Variants in WBP4 observed in about 807,000 individuals in gnomAD.
WBP4 encodes the protein WW domain-binding protein 4.
Under a neutral mutation model 55.4 loss-of-function variants are expected in WBP4, and 37 were observed. That is an observed-to-expected ratio of 0.67 (90% CI 0.51 to 0.88). The LOEUF is 0.88. Ranked by LOEUF, WBP4 falls within the 40% of genes least tolerant of loss-of-function variation. The pLI is 0.00. For missense variants in WBP4, 398 were observed against 420.8 expected, an observed-to-expected ratio of 0.95 and a Z score of 0.47; for synonymous variants, 142 against 140.2, an observed-to-expected ratio of 1.01 and a Z score of -0.09.
chr13:41,075,321 A>G lies in WBP4; in HGVS notation c.563-723A>G, dbSNP rs180736391. 4.5e-4 allele frequency among the ~76,000 whole-genome samples: 69 copies of G among 152,326 alleles called. No homozygotes were observed. The East Asian group carries it at 0.013, about 28-fold the overall frequency. The stretch of plus-strand genomic sequence containing the variant: ...CCACCAAACCACCATAATAAAAATG[A>G]GAATTTAATATTCACTTAGTGCTTC... On this transcript the variant is annotated intron_variant, in intron 7 of 9. Transcript: ENST00000379487.
At position 41,072,788 on chromosome 13, in the gene WBP4, G is replaced by A. The variant is rs752691810; in HGVS notation, c.493G>A (p.Val165Met). 8.1e-6 allele frequency: 13 copies of A among 1,613,394 alleles called. No individual in the cohort carries two copies. The African/African-American group carries it at 9.3e-5, about 12-fold the overall frequency. Residue 165 changes from valine (V) to methionine (M), a missense_variant, in exon 7 of 10, where the codon GTG becomes ATG. Val to Met is a conservative substitution (Grantham distance 21). Coordinates refer to ENST00000379487, the MANE Select transcript of WBP4 (RefSeq NM_007187.5). ...GTTTTTTTCCTCCTATTAGACAGCAGTGAAGACCGTTTGGGTAGAAGGTTT... is the reference window on the plus strand; with the variant it reads ...GTTTTTTTCCTCCTATTAGACAGCAATGAAGACCGTTTGGGTAGAAGGTTT... Reference protein sequence around the residue: ...GFQGDLKKTAVKTVWVEGLSE... With the variant: ...GFQGDLKKTAMKTVWVEGLSE...
intron 4 of WBP4, 114 bp downstream of exon 4, chr13:41,065,401 C>T: frequency 7.3e-7 from 1 of 1,375,902 alleles, no homozygotes; most frequent in Non-Finnish European, 9.5e-7. Flanking sequence ...AGTGTACTCT[C>T]AGTGCTTTTA....
Position 41,083,896 on chromosome 13 carries a change from T to A in WBP4, c.*982T>A, listed in dbSNP as rs1878895148. 6.6e-6 allele frequency: 1 copy of A among 152,206 alleles called. No homozygotes were observed. The highest frequency in any genetic ancestry group is 2.4e-5 in the African/African-American group (1 of 41,464). The allele number at this position is 152,206 out of a possible 1,614,324, so 9.4% of individuals were successfully genotyped here. On this transcript the variant is annotated 3_prime_UTR_variant, in exon 10 of 10. Coordinates refer to ENST00000379487, the MANE Select transcript of WBP4 (RefSeq NM_007187.5). ...CTTTTACTTTTCAAATTCACAAAAT[T>A]ACATTTCTCATAAATTGTATAGTAT... is the stretch of plus-strand genomic sequence containing the variant.
At chr13:41,076,493 G>A (rs1020323435) in intron 8 of WBP4, among the ~76,000 whole-genome samples, 4 of 151,924 alleles carry the variant, frequency 2.6e-5, no homozygotes, top group African/African-American at 9.7e-5. Context: ...TTAATAACCA[G>A]GATGGTCTTG....
intron 9 of WBP4, among the ~76,000 whole-genome samples, chr13:41,081,576 A>C (rs1230351502): frequency 6.6e-6 from 1 of 152,098 alleles, no homozygotes; most frequent in African/African-American, 2.4e-5. Context: ...TACTCAGCAA[A>C]GTACATTTCT....
chr13:41,074,359 G>A (rs1878385420), intron 7 of WBP4, among the ~76,000 whole-genome samples: 1 of 151,990 alleles, frequency 6.6e-6, no homozygotes, highest in South Asian at 2.1e-4. Flanking sequence ...GTTATCATTA[G>A]CTCATTGCAT....
At chr13:41,067,578 T>G (rs1000572914) in intron 4 of WBP4, among the ~76,000 whole-genome samples, 9 of 152,070 alleles carry the variant, frequency 5.9e-5, no homozygotes, top group African/African-American at 2.2e-4. Flanking sequence ...CCCAGCTACT[T>G]GGGATGCTAA....
intron 4 of WBP4, among the ~76,000 whole-genome samples, chr13:41,067,521 A>G (rs986896539): frequency 1.1e-4 from 17 of 152,060 alleles, no homozygotes; most frequent in African/African-American, 3.1e-4. Flanking sequence ...CTCTACTACA[A>G]TATAAAAATA....
chr13:41,065,185 A>G lies in WBP4; in HGVS notation c.160A>G (p.Lys54Glu). 6.2e-7 allele frequency: 1 copy of G among 1,613,084 alleles called. No homozygotes were observed. ...ISEIKQKSLDKAKEEEKASKE... is the reference protein window; with the variant it reads ...ISEIKQKSLDEAKEEEKASKE... The stretch of plus-strand genomic sequence containing the variant: ...ATAGATTAAACAGAAAAGCCTGGAT[A>G]AGGCAAAGGAAGAAGAAAAGGCATC... The change falls in exon 4 of 10, where the codon AAG becomes GAG. Residue 54 changes from lysine to glutamate, a missense_variant. By Grantham distance (56) the Lys-to-Glu change is moderately conservative (BLOSUM62 1). Transcript: ENST00000379487.
At chr13:41,080,850 A>AT in intron 9 of WBP4, 41 bp downstream of exon 9, 14 of 1,564,032 alleles carry the variant, frequency 9.0e-6, no homozygotes, top group Non-Finnish European at 1.2e-5. Flanking sequence ...ATTACAAGTG[A>AT]TTTTACATCC....
intron 5 of WBP4, among the ~76,000 whole-genome samples, chr13:41,070,226 A>G (rs1878178775): frequency 6.6e-6 from 1 of 152,214 alleles, no homozygotes; most frequent in African/African-American, 2.4e-5. Flanking sequence ...CTCTAAATTA[A>G]GATAGGGACA....
Position 41,076,050 on chromosome 13 carries a change from G to A in WBP4, c.569G>A (p.Arg190Lys), listed in dbSNP as rs1399039397. 1 of 1,611,840 alleles carries A rather than the reference G, an allele frequency of 6.2e-7. No homozygotes were observed. Among genetic ancestry groups the A allele is most frequent in the South Asian group, 1.1e-5 (1 of 90,448 alleles). The change falls in exon 8 of 10, where the codon AGA (arginine) becomes AAA (lysine). Residue 190 changes from arginine to lysine, a missense_variant. By Grantham distance (26) the Arg-to-Lys change is conservative. Transcript: ENST00000379487. The stretch of plus-strand genomic sequence containing the variant: ...TTTAAAATGTGTTGAGCAGAATCCA[G>A]ATGGGAGAAACCTGATGATTTCATT... Reference protein sequence around the residue: ...YYYNTETGESRWEKPDDFIPH... With the variant: ...YYYNTETGESKWEKPDDFIPH...
At chr13:41,073,007 C>CT in intron 7 of WBP4, 150 bp downstream of exon 7, 2 of 612,468 alleles carry the variant, frequency 3.3e-6, no homozygotes, top group Non-Finnish European at 2.7e-6. Flanking sequence ...AATTTAAAAA[C>CT]AATACAGTGG....
At chr13:41,063,089 G>T (rs1308006248) in intron 2 of WBP4, among the ~76,000 whole-genome samples, 3 of 152,092 alleles carry the variant, frequency 2.0e-5, no homozygotes, top group African/African-American at 7.2e-5. Context: ...TGTATATTTT[G>T]TGGTCTAGAA....
chr13:41,062,654 TG>T lies in WBP4; in HGVS notation c.15del (p.Trp5Ter). On this transcript the variant is annotated frameshift_variant, in exon 2 of 10. Transcript: ENST00000379487. LOFTEE classifies it high-confidence loss of function. MADY[W>X]KSQPKKFCDY... ...GTCTCTCTTTTTCAGGGCGGACTAC[TG>T]GAAGTCACAGCCAAAGAAATTCTGT... The T allele has an allele frequency of 6.2e-7, 1 of 1,613,888 alleles. No homozygotes were observed.
chr13:41,072,573 GA>G (rs1276262731), intron 6 of WBP4, among the ~76,000 whole-genome samples: 3 of 152,346 alleles, frequency 2.0e-5, no homozygotes, highest in African/African-American at 7.2e-5. Flanking sequence ...GAAACCATGA[GA>G]AACCACCCCT....
At chr13:41,069,809 T>G (rs536345968) in intron 5 of WBP4, among the ~76,000 whole-genome samples, 2 of 143,842 alleles carry the variant, frequency 1.4e-5, no homozygotes, top group South Asian at 4.3e-4. Context: ...ACCCAGGAGA[T>G]GGAGTTTGCA....
chr13:41,074,967 AAAAAT>A lies in WBP4; in HGVS notation c.563-1068_563-1064del, dbSNP rs1332274235. On this transcript the variant is annotated intron_variant, in intron 7 of 9. Transcript: ENST00000379487. ...CTGAGATCACGCCAAATAAATAAAT[AAAAAT>A]AAAATAAATAAATTCTTGAAAGTTC... is the stretch of plus-strand genomic sequence containing the variant. Among the ~76,000 whole-genome samples, 29 of 152,134 alleles carry A rather than the reference AAAAAT, an allele frequency of 1.9e-4. 1 individual carries two copies. Among genetic ancestry groups the A allele is most frequent in the African/African-American group, 5.8e-4 (24 of 41,440 alleles).
rs531332187 is a variant in WBP4 at position 41,073,257 on chromosome 13, T to C, written c.562+400T>C. ...GGCCGGGCACAGTGGCACATGCCTGTAATCCCAGCAGTTTGGGAGGCCAAG... is the reference window on the plus strand; with the variant it reads ...GGCCGGGCACAGTGGCACATGCCTGCAATCCCAGCAGTTTGGGAGGCCAAG... On this transcript the variant is annotated intron_variant, in intron 7 of 9. Coordinates refer to ENST00000379487, the MANE Select transcript of WBP4 (RefSeq NM_007187.5). Among the ~76,000 whole-genome samples, 4 of 152,340 alleles carry C rather than the reference T, an allele frequency of 2.6e-5. No individual in the cohort carries two copies. The East Asian group carries it at 7.7e-4, about 29-fold the overall frequency.
Sources: gnomAD v4.1 joint callset for allele counts (sites outside exome capture counted in the v4.1 genomes callset) on GRCh38, gnomAD v4.1.1 for gene constraint, MANE v1.5 for transcripts, NCBI Gene and HGNC (gene_info 2026-07-23, HGNC 2026-07-21) for gene names.